The following CDH13 variants were observed in gnomAD, a reference collection of about 807,000 sequenced individuals.
The protein encoded by CDH13 is cadherin-13.
In CDH13, 24 loss-of-function variants were observed where a neutral mutation model predicts 63.8. The observed-to-expected ratio is 0.38, with a 90% confidence interval of 0.27 to 0.53. The LOEUF (loss-of-function observed/expected upper bound fraction) is 0.53, where lower values mean the gene tolerates loss of function less well. Among genes scored for constraint, CDH13 ranks in the 20% least tolerant of loss-of-function variants. The pLI is 0.85. For synonymous variants in CDH13, 503 were observed against 355.3 expected, an observed-to-expected ratio of 1.42 and a Z score of -4.67; for missense variants, 1,049 against 903.1, an observed-to-expected ratio of 1.16 and a Z score of -2.07.
In CDH13 at chr16:82,931,418, C is replaced by T. The variant is rs1478417247; in HGVS notation, c.157+72945C>T. ...GACTCACATCCTACTTTTCAAAATG[C>T]TTCAGCCATTCAACCCTTGATGCTA... On this transcript the variant is annotated intron_variant, in intron 2 of 13. Transcript: ENST00000567109. Among the ~76,000 whole-genome samples the T allele has an allele frequency of 2.0e-5, 3 of 152,132 alleles. No individual in the cohort carries two copies. The East Asian group carries it at 5.8e-4, about 29-fold the overall frequency.
chr16:83,354,208 A>T (rs1385016122), intron 6 of CDH13, among the ~76,000 whole-genome samples: 1 of 152,226 alleles, frequency 6.6e-6, no homozygotes, highest in Non-Finnish European at 1.5e-5. Context: ...CGTGCTCACC[A>T]GCGCCGTTGG....
At chr16:83,724,711 C>T (rs1311292898) in intron 10 of CDH13, among the ~76,000 whole-genome samples, 2 of 152,174 alleles carry the variant, frequency 1.3e-5, no homozygotes, top group Non-Finnish European at 2.9e-5. Context: ...ACACCTGTAT[C>T]CTTACTTTCC....
chr16:83,441,579 C>G (rs1309220355), intron 6 of CDH13, among the ~76,000 whole-genome samples: 1 of 152,002 alleles, frequency 6.6e-6, no homozygotes, highest in Non-Finnish European at 1.5e-5. Context: ...CATTTTTTTG[C>G]ATGCCATTCC....
At chr16:83,791,359 G>T (rs993387845) in intron 13 of CDH13, among the ~76,000 whole-genome samples, 2 of 151,976 alleles carry the variant, frequency 1.3e-5, no homozygotes, top group African/African-American at 4.8e-5. Context: ...ACCTGGGCAC[G>T]GTGGCACACA....
At chr16:83,546,433 T>G (rs1403257471) in intron 7 of CDH13, among the ~76,000 whole-genome samples, 4 of 152,106 alleles carry the variant, frequency 2.6e-5, no homozygotes, top group African/African-American at 4.8e-5. Context: ...CTACTGGTTT[T>G]TTTTTTTTTT....
rs137962985 is a variant in CDH13 at position 83,530,270 on chromosome 16, C to G, written c.960+43615C>G. Among the ~76,000 whole-genome samples the G allele has an allele frequency of 7.5e-3, 1,141 of 152,300 alleles. 17 individuals carry two copies. Among genetic ancestry groups the G allele is most frequent in the African/African-American group, 0.026 (1,061 of 41,564 alleles). On this transcript the variant is annotated intron_variant, in intron 7 of 13. Transcript: ENST00000567109. ...GAGAAATATCAGAAAATTGAGTGCA[C>G]TGTAAAGTCAGTCTCTGTAGGTCTC...
chr16:83,169,936 T>C (rs985571360), intron 4 of CDH13, among the ~76,000 whole-genome samples: 6 of 152,178 alleles, frequency 3.9e-5, no homozygotes, highest in Admixed American at 2.6e-4. Context: ...TCAGTCCCTC[T>C]AGATCTTACT....
chr16:83,327,047 G>GA (rs1172437668), intron 5 of CDH13, among the ~76,000 whole-genome samples: 2 of 152,234 alleles, frequency 1.3e-5, no homozygotes, highest in Non-Finnish European at 2.9e-5. Flanking sequence ...AAGAATGGCA[G>GA]AGGGATTTAT....
intron 8 of CDH13, among the ~76,000 whole-genome samples, chr16:83,647,884 C>A (rs944411586): frequency 6.6e-6 from 1 of 152,110 alleles, no homozygotes; most frequent in Non-Finnish European, 1.5e-5. Flanking sequence ...CCATTATGAT[C>A]CCTGTTAAAA....
chr16:82,695,615 A>G (rs2030191239), intron 1 of CDH13, among the ~76,000 whole-genome samples: 1 of 152,188 alleles, frequency 6.6e-6, no homozygotes, highest in African/African-American at 2.4e-5. Flanking sequence ...GGTCCACTCA[A>G]GCTTCCTATC....
chr16:83,126,948 C>T (rs2035838355), intron 4 of CDH13, among the ~76,000 whole-genome samples: 1 of 151,958 alleles, frequency 6.6e-6, no homozygotes, highest in Admixed American at 6.6e-5. Flanking sequence ...AAAAAAAGAG[C>T]AAATGGCAGG....
intron 3 of CDH13, among the ~76,000 whole-genome samples, chr16:83,125,003 T>C (rs1179788899): frequency 6.6e-6 from 1 of 152,258 alleles, no homozygotes; most frequent in Non-Finnish European, 1.5e-5. Flanking sequence ...AAACCAATTC[T>C]TTATTGGCTG....
chr16:82,726,865 C>G (rs1420263161), intron 1 of CDH13, among the ~76,000 whole-genome samples: 23 of 152,184 alleles, frequency 1.5e-4, no homozygotes, highest in Non-Finnish European at 2.9e-5. Context: ...ATCCCCATTT[C>G]CCAGATGAAA....
At chr16:82,787,441 C>T (rs1232270927) in intron 1 of CDH13, among the ~76,000 whole-genome samples, 4 of 152,090 alleles carry the variant, frequency 2.6e-5, no homozygotes, top group Admixed American at 6.5e-5. Context: ...AGGCAGATGT[C>T]GGTGGACTGA....
chr16:83,098,045 G>C (rs939556765), intron 3 of CDH13, among the ~76,000 whole-genome samples: 9 of 152,136 alleles, frequency 5.9e-5, no homozygotes, highest in African/African-American at 2.2e-4. Context: ...AGGCAAGTTA[G>C]GATACTATTG....
intron 1 of CDH13, among the ~76,000 whole-genome samples, chr16:82,671,021 C>G (rs1913178099): frequency 1.3e-5 from 2 of 152,194 alleles, no homozygotes; most frequent in African/African-American, 4.8e-5. Context: ...TACACTATGT[C>G]AAGCACTTTT....
At chr16:82,861,784 A>G (rs748036113) in intron 2 of CDH13, among the ~76,000 whole-genome samples, 13 of 152,088 alleles carry the variant, frequency 8.5e-5, no homozygotes, top group Non-Finnish European at 1.6e-4. Context: ...TGTCTTAAAA[A>G]CGCCATTTTT....
intron 2 of CDH13, among the ~76,000 whole-genome samples, chr16:82,940,320 A>T (rs2042794533): frequency 6.6e-6 from 1 of 152,138 alleles, no homozygotes; most frequent in Non-Finnish European, 1.5e-5. Context: ...CACCTGTAAA[A>T]TGGAGACGGC....
intron 1 of CDH13, among the ~76,000 whole-genome samples, chr16:82,831,856 T>G (rs923747132): frequency 9.2e-5 from 14 of 152,164 alleles, no homozygotes; most frequent in Non-Finnish European, 1.6e-4. Context: ...TGGAATGACT[T>G]TCCAGGAAAC....
Sources: gnomAD v4.1 joint callset for allele counts (sites outside exome capture counted in the v4.1 genomes callset) on GRCh38, gnomAD v4.1.1 for gene constraint, MANE v1.5 for transcripts, NCBI Gene and HGNC (gene_info 2026-07-23, HGNC 2026-07-21) for gene names.